Variants in NTRK3 observed in about 807,000 individuals in gnomAD.
NTRK3 encodes NT-3 growth factor receptor.
Under a neutral mutation model 91.7 loss-of-function variants are expected in NTRK3, and 24 were observed. That is an observed-to-expected ratio of 0.26 (90% confidence interval 0.19 to 0.37). The LOEUF is 0.37. Ranked by LOEUF, NTRK3 falls within the 10% of genes least tolerant of loss-of-function variation. The pLI is 1.00. For missense variants in NTRK3, 880 were observed against 1,068.9 expected (o/e 0.82, Z 2.46); for synonymous variants, 483 against 404.0 (o/e 1.20, Z -2.34).
At chr15:88,049,482 T>C (rs931255148) in intron 13 of NTRK3, among the ~76,000 whole-genome samples, 2 of 152,222 alleles carry the variant, frequency 1.3e-5, no homozygotes, top group African/African-American at 4.8e-5. Flanking sequence ...TGTGTGTTTA[T>C]GGGGTTCACT....
intron 17 of NTRK3, among the ~76,000 whole-genome samples, chr15:87,902,169 C>G (rs1187232229): frequency 6.6e-6 from 1 of 152,194 alleles, no homozygotes. Flanking sequence ...CAGAAAATAT[C>G]TATGTTCCTC....
intron 13 of NTRK3, among the ~76,000 whole-genome samples, chr15:88,093,817 C>G (rs553430750): frequency 6.6e-6 from 1 of 151,986 alleles, no homozygotes; most frequent in East Asian, 1.9e-4. Context: ...GGGCCTCAAG[C>G]GGGGGGGTTG....
chr15:88,232,760 A>G (rs540100827), intron 3 of NTRK3, among the ~76,000 whole-genome samples: 1 of 152,250 alleles, frequency 6.6e-6, no homozygotes, highest in East Asian at 1.9e-4. Context: ...CCTACTGAGG[A>G]CCCCAGAAAA....
chr15:87,943,256 C>T (rs1423739566), intron 14 of NTRK3, among the ~76,000 whole-genome samples: 1 of 152,104 alleles, frequency 6.6e-6, no homozygotes, highest in Non-Finnish European at 1.5e-5. Context: ...AAGAAGTTTA[C>T]CTTTACAACT....
chr15:88,150,090 A>G (rs954333301), intron 5 of NTRK3, among the ~76,000 whole-genome samples: 6 of 152,120 alleles, frequency 3.9e-5, no homozygotes, highest in African/African-American at 7.2e-5. Flanking sequence ...GCTGCATCCA[A>G]TGGGCAGTTG....
chr15:88,170,243 G>A (rs371196865), intron 5 of NTRK3, among the ~76,000 whole-genome samples: 2 of 152,162 alleles, frequency 1.3e-5, no homozygotes, highest in African/African-American at 2.4e-5. Context: ...AAGGGCAGGG[G>A]GAATGCTTGT....
chr15:88,001,661 C>A (rs1026863831), intron 14 of NTRK3, among the ~76,000 whole-genome samples: 3 of 152,140 alleles, frequency 2.0e-5, no homozygotes, highest in Non-Finnish European at 2.9e-5. Context: ...AAGTACAAGT[C>A]TATTTCTGGA....
intron 13 of NTRK3, among the ~76,000 whole-genome samples, chr15:88,071,628 C>T (rs1192117087): frequency 1.3e-5 from 2 of 152,120 alleles, no homozygotes; most frequent in Non-Finnish European, 2.9e-5. Flanking sequence ...GAGCAGTGGG[C>T]CTAAGAGGTA....
Position 88,241,198 on chromosome 15 carries a change from G to A in NTRK3, c.248+14708C>T, listed in dbSNP as rs1240915994. Among the ~76,000 whole-genome samples the A allele has an allele frequency of 6.6e-6, 1 of 152,188 alleles. No homozygotes were observed. ...GCTGGACTGAGACACTAGCTGTGCC[G>A]CCCTCTTCTGTTCAGTGACCTCCTG... On this transcript the variant is annotated intron_variant, in intron 3 of 18. Transcript: ENST00000394480. The surrounding 1 kb of genome is among the most constrained non-coding windows in gnomAD (Gnocchi z 4.3).
Position 88,237,424 on chromosome 15 carries a change from G to A in NTRK3, c.248+18482C>T, listed in dbSNP as rs548859781. Among the ~76,000 whole-genome samples the A allele has an allele frequency of 6.6e-5, 10 of 152,152 alleles. No individual in the cohort carries two copies. Among genetic ancestry groups the A allele is most frequent in the East Asian group, 1.9e-4 (1 of 5,194 alleles). On this transcript the variant is annotated intron_variant, in intron 3 of 18. Coordinates refer to ENST00000394480, the Ensembl canonical transcript of NTRK3. This position sits in a 1 kb window ranked among gnomAD's most constrained non-coding sequence, Gnocchi z 4.0. The stretch of plus-strand genomic sequence containing the variant: ...TCCCCAGAGCTGAAGGTCCCAGCCC[G>A]TTGTCATTGTGTGGGGGTGGAGGGA...
intron 13 of NTRK3, among the ~76,000 whole-genome samples, chr15:88,033,372 G>A (rs188161762): frequency 5.3e-5 from 8 of 150,144 alleles, no homozygotes; most frequent in East Asian, 2.0e-4. Context: ...GGGCAGTGGC[G>A]CCATCTTGGC....
At chr15:87,883,582 ATTGTGTGC>A (rs2065370214) in intron 17 of NTRK3, among the ~76,000 whole-genome samples, 1 of 151,300 alleles carries the variant, frequency 6.6e-6, no homozygotes, top group Non-Finnish European at 1.5e-5. Context: ...GAGTGTTGTG[ATTGTGTGC>A]ATCTTTCAGC....
chr15:88,126,556 G>A (rs1260668587), intron 12 of NTRK3, among the ~76,000 whole-genome samples, 183 bp from the exon 13 acceptor site: 2 of 152,156 alleles, frequency 1.3e-5, no homozygotes, highest in African/African-American at 2.4e-5. Context: ...ACATTTAAAA[G>A]TATATAAATT....
At chr15:87,991,647 A>G (rs1041032096) in intron 14 of NTRK3, among the ~76,000 whole-genome samples, 3 of 152,164 alleles carry the variant, frequency 2.0e-5, no homozygotes, top group Admixed American at 6.5e-5. Context: ...AAGTCATATC[A>G]TGCTTATAAT....
At chr15:88,095,561 A>G (rs1246100359) in intron 13 of NTRK3, among the ~76,000 whole-genome samples, 1 of 152,188 alleles carries the variant, frequency 6.6e-6, no homozygotes, top group East Asian at 1.9e-4. Context: ...ATCCTCCACA[A>G]TTAACTGCAG....
chr15:88,147,429 A>T, intron 5 of NTRK3, 26 bp from the exon 6 acceptor site: 3 of 1,601,080 alleles, frequency 1.9e-6, no homozygotes, highest in Non-Finnish European at 2.6e-6. Flanking sequence ...ATAAAGGGAA[A>T]TTTTAAAACA....
intron 13 of NTRK3, among the ~76,000 whole-genome samples, chr15:88,105,141 TAGAG>T (rs1342587465): frequency 6.6e-6 from 1 of 152,122 alleles, no homozygotes; most frequent in African/African-American, 2.4e-5. Flanking sequence ...AAACTACACC[TAGAG>T]AGAGAAAGCA....
intron 17 of NTRK3, among the ~76,000 whole-genome samples, chr15:87,918,934 C>T (rs1015552951): frequency 9.2e-5 from 14 of 152,126 alleles, no homozygotes; most frequent in East Asian, 3.9e-4. Context: ...TCAAAGAAAC[C>T]GAGTGACTGA....
At chr15:87,865,214 A>C (rs2064635012) in exon 19 of NTRK3, 1 of 206,760 alleles carries the variant, frequency 4.8e-6, no homozygotes, top group South Asian at 1.9e-4. Flanking sequence ...GCATTTTGTC[A>C]GATACACTGC....
Sources: gnomAD v4.1 joint callset for allele counts (sites outside exome capture counted in the v4.1 genomes callset) on GRCh38, gnomAD v4.1.1 for gene constraint, Gnocchi (gnomAD v3.1) non-coding constraint, MANE v1.5 for transcripts, NCBI Gene and HGNC (gene_info 2026-07-23, HGNC 2026-07-21) for gene names.